MAP7: variants seen among roughly 807,000 people sequenced by gnomAD.
MAP7 encodes microtubule associated protein 7, also known as ensconsin.
In MAP7, 52 loss-of-function variants were observed where a neutral mutation model predicts 94.8. The observed-to-expected ratio is 0.55, with a 90% CI of 0.44 to 0.69. The LOEUF is 0.69. Among genes scored for constraint, MAP7 ranks in the 30% least tolerant of loss-of-function variants. The probability of loss-of-function intolerance (pLI) is 0.00; values close to 1 mark genes in which losing one functional copy is unlikely to be tolerated. For missense variants in MAP7, 940 were observed against 964.6 expected (o/e 0.97, Z 0.34); for synonymous variants, 350 against 357.0 (o/e 0.98, Z 0.22).
chr6:136,510,857 C>A (rs1022893988), intron 1 of MAP7, among the ~76,000 whole-genome samples: 3 of 151,970 alleles, frequency 2.0e-5, no homozygotes, highest in African/African-American at 7.2e-5. Flanking sequence ...TCGACTGAGG[C>A]TCCTAGAAGG....
At chr6:136,537,753 G>A (rs541780444) in intron 1 of MAP7, among the ~76,000 whole-genome samples, 101 of 152,118 alleles carry the variant, frequency 6.6e-4, no homozygotes, top group African/African-American at 2.3e-3. Context: ...ACCCATCTGA[G>A]GAAATGACAT....
chr6:136,356,596 A>G, intron 16 of MAP7, 96 bp downstream of exon 16: 1 of 939,152 alleles, frequency 1.1e-6, no homozygotes, highest in Non-Finnish European at 1.6e-6. Flanking sequence ...GCCCCCCCCA[A>G]ATAATAAATC....
intron 1 of MAP7, among the ~76,000 whole-genome samples, chr6:136,502,247 A>G (rs2129011591): frequency 6.6e-6 from 1 of 152,370 alleles, no homozygotes; most frequent in East Asian, 1.9e-4. Flanking sequence ...TCTCTTAGGA[A>G]GTGCTCTGTG....
chr6:136,538,463 G>C (rs181972909), intron 1 of MAP7, among the ~76,000 whole-genome samples: 167 of 152,192 alleles, frequency 1.1e-3, no homozygotes, highest in Middle Eastern at 3.4e-3. Flanking sequence ...CATAACCTAT[G>C]TGGCAATATT....
chr6:136,482,688 A>G (rs936658322), intron 1 of MAP7, among the ~76,000 whole-genome samples: 1 of 152,128 alleles, frequency 6.6e-6, no homozygotes, highest in African/African-American at 2.4e-5. Context: ...ATGCCCATCA[A>G]TGGTAGGCAC....
intron 10 of MAP7, 118 bp from the exon 11 acceptor site, chr6:136,362,820 G>A: frequency 7.0e-7 from 1 of 1,427,252 alleles, no homozygotes; most frequent in South Asian, 1.5e-5. Flanking sequence ...AAAAGGGAAT[G>A]TTTATTACTG....
intron 1 of MAP7, among the ~76,000 whole-genome samples, chr6:136,508,775 AC>A (rs1360087998): frequency 6.6e-6 from 1 of 152,246 alleles, no homozygotes; most frequent in Admixed American, 6.5e-5. Context: ...AAGATAAAAT[AC>A]ACTAAAGAGA....
At chr6:136,497,345 A>T (rs1050146587) in intron 1 of MAP7, among the ~76,000 whole-genome samples, 1 of 151,936 alleles carries the variant, frequency 6.6e-6, no homozygotes, top group African/African-American at 2.4e-5. Context: ...TTTTTGTTAA[A>T]ATTTCACCAC....
At chr6:136,548,400 A>G (rs1829893786) in intron 1 of MAP7, among the ~76,000 whole-genome samples, 2 of 152,146 alleles carry the variant, frequency 1.3e-5, no homozygotes, top group African/African-American at 4.8e-5. Flanking sequence ...TAAAAACATT[A>G]ATAGTAATCT....
chr6:136,458,836 G>A (rs1804224182), intron 1 of MAP7, among the ~76,000 whole-genome samples: 1 of 152,048 alleles, frequency 6.6e-6, no homozygotes, highest in Admixed American at 6.5e-5. Context: ...GTTCATGACA[G>A]TGGTCTTGGC....
chr6:136,466,402 GT>G (rs1807074434), intron 1 of MAP7, among the ~76,000 whole-genome samples: 2 of 151,916 alleles, frequency 1.3e-5, no homozygotes, highest in Admixed American at 6.6e-5. Flanking sequence ...TGTTTGTCTA[GT>G]TTGCTACTGT....
intron 10 of MAP7, 58 bp downstream of exon 10, chr6:136,365,677 C>T (rs1450301252): frequency 1.3e-6 from 2 of 1,549,370 alleles, no homozygotes; most frequent in Non-Finnish European, 1.7e-6. Flanking sequence ...AAAGCTTCAT[C>T]AAAACAGTGC....
At chr6:136,389,926 C>T (rs1780232885) in intron 3 of MAP7, among the ~76,000 whole-genome samples, 1 of 152,030 alleles carries the variant, frequency 6.6e-6, no homozygotes, top group Admixed American at 6.6e-5. Context: ...GGCATTGGTT[C>T]TGAGTATTAA....
At chr6:136,439,777 T>TA (rs1359485767) in intron 1 of MAP7, among the ~76,000 whole-genome samples, 14 of 150,114 alleles carry the variant, frequency 9.3e-5, no homozygotes, top group Non-Finnish European at 1.2e-4. Context: ...GATAAGCAAC[T>TA]TTTTTTTTTC....
chr6:136,473,878 T>G (rs1410778433), intron 1 of MAP7, among the ~76,000 whole-genome samples: 1 of 152,200 alleles, frequency 6.6e-6, no homozygotes, highest in Non-Finnish European at 1.5e-5. Context: ...TTCCAGGAGC[T>G]GTTCTTCAAG....
At chr6:136,459,199 C>T (rs751805031) in intron 1 of MAP7, among the ~76,000 whole-genome samples, 6 of 152,038 alleles carry the variant, frequency 3.9e-5, no homozygotes, top group Non-Finnish European at 7.4e-5. Context: ...TCCTCATGAG[C>T]TATCACCTCA....
At chr6:136,415,484 C>A (rs1279180809) in intron 2 of MAP7, among the ~76,000 whole-genome samples, 1 of 152,176 alleles carries the variant, frequency 6.6e-6, no homozygotes, top group East Asian at 1.9e-4. Flanking sequence ...GGGACACATG[C>A]CACTCCTGAC....
chr6:136,524,702 T>C (rs1827350224), intron 1 of MAP7, among the ~76,000 whole-genome samples: 1 of 152,232 alleles, frequency 6.6e-6, no homozygotes, highest in Admixed American at 6.5e-5. Flanking sequence ...CAGTTTCAAT[T>C]ATATTTAAGA....
chr6:136,451,023 G>C (rs1373853334), intron 1 of MAP7, among the ~76,000 whole-genome samples: 1 of 152,124 alleles, frequency 6.6e-6, no homozygotes, highest in Non-Finnish European at 1.5e-5. Flanking sequence ...TTACCCTTTT[G>C]TAAGAGAAAT....
Sources: allele counts gnomAD v4.1 joint callset (sites outside exome capture counted in the v4.1 genomes callset), GRCh38; gene constraint gnomAD v4.1.1; transcripts MANE v1.5; gene names NCBI Gene and HGNC (gene_info 2026-07-23, HGNC 2026-07-21).